ATRNL1: variants seen among roughly 807,000 people sequenced by gnomAD.
The protein encoded by ATRNL1 is attractin like 1.
ATRNL1 carries 95 observed loss-of-function variants against 182.7 expected under a neutral mutation model. The observed-to-expected ratio is 0.52, with a 90% CI of 0.44 to 0.62. The LOEUF (loss-of-function observed/expected upper bound fraction) is 0.62. Ranked by LOEUF, ATRNL1 falls within the 20% of genes least tolerant of loss-of-function variation. The probability of loss-of-function intolerance (pLI) is 0.00; values close to 1 mark genes in which losing one functional copy is unlikely to be tolerated. For missense variants in ATRNL1, 1,471 were observed against 1,679.5 expected, an observed-to-expected ratio of 0.88 and a Z score of 2.17; for synonymous variants, 576 against 568.3, an observed-to-expected ratio of 1.01 and a Z score of -0.19.
chr10:115,315,623 G>C lies in ATRNL1; in HGVS notation c.2924G>C (p.Gly975Ala). The stretch of plus-strand genomic sequence containing the variant: ...ACAGGAAGAGGACATTGCATTGAAG[G>C]TTCTTCACGGGGACCAATGAAGCTT... Reference protein sequence around the residue: ...SNTGRGHCIEGSSRGPMKLIG... With the variant: ...SNTGRGHCIEASSRGPMKLIG... Residue 975 changes from glycine to alanine, a missense_variant, in exon 18 of 29, where the codon GGT (glycine) becomes GCT (alanine). Physicochemically the swap from Gly to Ala is moderately conservative, Grantham distance 60 (BLOSUM62 0). This residue lies in a region of ATRNL1 where 437 missense variants were observed against 506.0 expected (regional missense o/e 0.86). Transcript: ENST00000355044. The C allele has an allele frequency of 6.2e-7, 1 of 1,613,924 alleles. No individual in the cohort carries two copies. Among genetic ancestry groups the C allele is most frequent in the Non-Finnish European group, 8.5e-7 (1 of 1,179,946 alleles).
intron 26 of ATRNL1, among the ~76,000 whole-genome samples, chr10:115,713,938 T>G (rs77338528): frequency 0.028 from 4,250 of 152,328 alleles, 202 homozygotes; most frequent in African/African-American, 0.095. Flanking sequence ...CTTGACTTCT[T>G]TGTAGTTTAC....
chr10:115,597,636 G>A (rs1188741442), intron 26 of ATRNL1: 2 of 440,780 alleles, frequency 4.5e-6, no homozygotes, highest in African/African-American at 2.1e-5. Context: ...GCAGTGTGGG[G>A]ATCTCAGCTC....
chr10:115,799,844 C>T (rs1949749470), intron 27 of ATRNL1, among the ~76,000 whole-genome samples: 1 of 152,154 alleles, frequency 6.6e-6, no homozygotes, highest in African/African-American at 2.4e-5. Flanking sequence ...ATATCAGATA[C>T]TCTGCCAGCC....
At position 115,804,753 on chromosome 10, in the gene ATRNL1, A is replaced by G. The variant is rs567065368; in HGVS notation, c.3904-43124A>G. The stretch of plus-strand genomic sequence containing the variant: ...GGTTGTAACATCACGTAGTGGAGGT[A>G]GGTTTCCTCTCCTCTATACCTCTCC... On this transcript the variant is annotated intron_variant, in intron 27 of 28. Coordinates refer to ENST00000355044, the MANE Select transcript of ATRNL1 (RefSeq NM_207303.4). Among the ~76,000 whole-genome samples, 3 of 152,332 alleles carry G rather than the reference A, an allele frequency of 2.0e-5. No homozygotes were observed. In the South Asian group the frequency reaches 6.2e-4, roughly 32 times the overall value.
chr10:115,861,623 G>A (rs1951318515), intron 28 of ATRNL1, among the ~76,000 whole-genome samples: 1 of 152,152 alleles, frequency 6.6e-6, no homozygotes, highest in Admixed American at 6.5e-5. Context: ...TGTTGTCTCA[G>A]CCCCATCCTT....
At chr10:115,433,029 CT>C (rs1382536485) in intron 21 of ATRNL1, among the ~76,000 whole-genome samples, 1 of 151,940 alleles carries the variant, frequency 6.6e-6, no homozygotes, top group Non-Finnish European at 1.5e-5. Flanking sequence ...GCTCACACCC[CT>C]AATTATTGTG....
At chr10:115,514,767 C>G (rs1440838496) in intron 24 of ATRNL1, among the ~76,000 whole-genome samples, 2 of 151,848 alleles carry the variant, frequency 1.3e-5, no homozygotes, top group African/African-American at 4.8e-5. Context: ...ATAGGGATTG[C>G]ACAAGGGGAT....
At chr10:115,518,094 A>T (rs1470711598) in intron 24 of ATRNL1, among the ~76,000 whole-genome samples, 10 of 151,976 alleles carry the variant, frequency 6.6e-5, no homozygotes, top group African/African-American at 2.4e-4. Context: ...TACATAAGAA[A>T]TACTGACATC....
intron 28 of ATRNL1, among the ~76,000 whole-genome samples, chr10:115,887,372 T>C (rs1555110055): frequency 6.6e-6 from 1 of 152,216 alleles, no homozygotes; most frequent in Non-Finnish European, 1.5e-5. Context: ...AGTTAGGAAG[T>C]GCAAGATCAA....
At chr10:115,855,223 T>C (rs1368071652) in intron 28 of ATRNL1, among the ~76,000 whole-genome samples, 2 of 152,222 alleles carry the variant, frequency 1.3e-5, no homozygotes, top group African/African-American at 4.8e-5. Flanking sequence ...TTTCTTATGA[T>C]TCTCTGAGTG....
At chr10:115,240,577 A>G (rs1850376514) in intron 9 of ATRNL1, among the ~76,000 whole-genome samples, 1 of 152,098 alleles carries the variant, frequency 6.6e-6, no homozygotes, top group Non-Finnish European at 1.5e-5. Context: ...TTCTTTAGAA[A>G]TTAATTGGTA....
intron 26 of ATRNL1, among the ~76,000 whole-genome samples, chr10:115,573,189 G>T (rs989691809): frequency 2.0e-5 from 3 of 152,130 alleles, no homozygotes; most frequent in Non-Finnish European, 2.9e-5. Context: ...AGTGGTAGAG[G>T]TGGCTCTCAG....
At chr10:115,682,825 T>C (rs1555045138) in intron 26 of ATRNL1, among the ~76,000 whole-genome samples, 1 of 152,048 alleles carries the variant, frequency 6.6e-6, no homozygotes, top group African/African-American at 2.4e-5. Flanking sequence ...TAAGTCAAAG[T>C]TTCATCAAGA....
chr10:115,190,889 C>A (rs1848144566), intron 8 of ATRNL1, among the ~76,000 whole-genome samples: 1 of 152,214 alleles, frequency 6.6e-6, no homozygotes, highest in East Asian at 1.9e-4. Flanking sequence ...CCTTTCCTAG[C>A]CTCTAGCAAC....
At position 115,093,570 on chromosome 10, in the gene ATRNL1, C is replaced by G. The variant is rs532691886; in HGVS notation, c.-181C>G. 2 of 733,238 alleles carry G rather than the reference C, an allele frequency of 2.7e-6. No homozygotes were observed. The highest frequency in any genetic ancestry group is 3.0e-5 in the South Asian group (2 of 66,960). 45.4% of individuals were successfully genotyped at this position (733,238 alleles called of 1,614,324 possible). A position where few individuals can be genotyped will look rare whatever the true frequency, so the allele number is the denominator to read the frequency against. On this transcript the variant is annotated 5_prime_UTR_variant, in exon 1 of 29. Coordinates refer to ENST00000355044, the MANE Select transcript of ATRNL1 (RefSeq NM_207303.4). This position sits in a 1 kb window ranked among gnomAD's most constrained non-coding sequence, Gnocchi z 6.1. ...ATGCCCGAGTGCGACTGGAGGCAGC[C>G]GAGCGGAGGCGACGGCGGTTGGGAT...
chr10:115,230,014 CTTAATA>C (rs1554899604), intron 9 of ATRNL1, among the ~76,000 whole-genome samples: 1 of 152,080 alleles, frequency 6.6e-6, no homozygotes, highest in African/African-American at 2.4e-5. Context: ...CTCCATTATT[CTTAATA>C]TTGTGTTATT....
At chr10:115,382,129 C>A (rs1054571932) in intron 19 of ATRNL1, among the ~76,000 whole-genome samples, 1 of 152,098 alleles carries the variant, frequency 6.6e-6, no homozygotes, top group Non-Finnish European at 1.5e-5. Context: ...ATTGGGATGG[C>A]TGAGTCTCCA....
intron 28 of ATRNL1, among the ~76,000 whole-genome samples, chr10:115,880,252 C>T (rs140371119): frequency 6.6e-6 from 1 of 152,192 alleles, no homozygotes; most frequent in South Asian, 2.1e-4. Flanking sequence ...TGGGGTCAAC[C>T]TGAGCCTGGC....
At chr10:115,154,126 C>T (rs1262326359) in intron 5 of ATRNL1, among the ~76,000 whole-genome samples, 1 of 151,006 alleles carries the variant, frequency 6.6e-6, no homozygotes, top group African/African-American at 2.4e-5. Context: ...TGCTTTACTT[C>T]CAACTATGCG....
Sources: allele counts gnomAD v4.1 joint callset (sites outside exome capture counted in the v4.1 genomes callset), GRCh38; gene constraint gnomAD v4.1.1; regional missense constraint gnomAD v4.1.1; non-coding constraint Gnocchi (gnomAD v3.1); transcripts MANE v1.5; gene names NCBI Gene and HGNC (gene_info 2026-07-23, HGNC 2026-07-21).